Variants in ST6GAL2 observed in about 807,000 individuals in gnomAD.
The protein encoded by ST6GAL2 is beta-galactoside alpha-2,6-sialyltransferase 2.
In ST6GAL2, 24 loss-of-function variants were observed where a neutral mutation model predicts 37.5. The observed-to-expected ratio is 0.64, with a 90% confidence interval of 0.46 to 0.90. The LOEUF (loss-of-function observed/expected upper bound fraction) is 0.90. ST6GAL2 is among the 40% of genes least tolerant of loss of function. The pLI, the probability that ST6GAL2 is intolerant of heterozygous loss-of-function variation, is 0.00. For synonymous variants in ST6GAL2, 306 were observed against 295.1 expected (o/e 1.04, Z -0.38); for missense variants, 715 against 712.7 (o/e 1.00, Z -0.04).
rs532390214 is a variant in ST6GAL2, at chr2:106,844,619, C to CAATG, written c.-57-589_-57-586dup. Among the ~76,000 whole-genome samples the CAATG allele has an allele frequency of 4.1e-3, 623 of 152,294 alleles. 5 individuals are homozygous for CAATG. Among genetic ancestry groups the CAATG allele is most frequent in the Admixed American group, 7.3e-3 (112 of 15,304 alleles). On this transcript the variant is annotated intron_variant, in intron 1 of 5. Transcript: ENST00000409382. ...AGTCCACCGATGGCACTGAATAAAG[C>CAATG]AATGCTTCAGTGACTGTGTCTGTGG...
chr2:106,817,650 G>A (rs541834032), intron 5 of ST6GAL2, among the ~76,000 whole-genome samples: 1 of 152,296 alleles, frequency 6.6e-6, no homozygotes, highest in East Asian at 1.9e-4. Flanking sequence ...TTTCCCAGTG[G>A]TGGTGGCTAC....
intron 2 of ST6GAL2, among the ~76,000 whole-genome samples, chr2:106,839,047 A>C (rs971665130): frequency 1.0e-4 from 15 of 149,580 alleles, no homozygotes; most frequent in South Asian, 6.2e-4. Flanking sequence ...AAAAAGCAAA[A>C]AAACAAACAA....
chr2:106,855,838 A>G (rs1414459369), intron 1 of ST6GAL2, among the ~76,000 whole-genome samples: 2 of 152,192 alleles, frequency 1.3e-5, no homozygotes, highest in Non-Finnish European at 2.9e-5. Flanking sequence ...ATTCTTGCTG[A>G]TCTGGTAACA....
chr2:106,856,334 C>G (rs1375833622), intron 1 of ST6GAL2, among the ~76,000 whole-genome samples: 1 of 152,166 alleles, frequency 6.6e-6, no homozygotes, highest in Non-Finnish European at 1.5e-5. Flanking sequence ...CCTTTTAATC[C>G]TTCCCACAGA....
At chr2:106,828,732 A>C (rs1475586620) in intron 5 of ST6GAL2, among the ~76,000 whole-genome samples, 2 of 152,196 alleles carry the variant, frequency 1.3e-5, no homozygotes, top group East Asian at 3.8e-4. Flanking sequence ...AAACTGGGGA[A>C]GAGAACATTA....
At chr2:106,825,178 A>T (rs1676156017) in intron 5 of ST6GAL2, 1 of 152,250 alleles carries the variant, frequency 6.6e-6, no homozygotes, top group Non-Finnish European at 1.5e-5. Context: ...TGTATAACAA[A>T]GATAATGTAG....
At chr2:106,828,957 T>C (rs1054622631) in intron 5 of ST6GAL2, among the ~76,000 whole-genome samples, 2 of 152,094 alleles carry the variant, frequency 1.3e-5, no homozygotes, top group African/African-American at 4.8e-5. Flanking sequence ...AGTGTGATGC[T>C]CTTGTTATAT....
intron 1 of ST6GAL2, among the ~76,000 whole-genome samples, chr2:106,880,914 G>A (rs1678723318): frequency 6.6e-6 from 1 of 152,180 alleles, no homozygotes; most frequent in Non-Finnish European, 1.5e-5. Context: ...GTGTGAATGT[G>A]TCTGTGTGTG....
intron 1 of ST6GAL2, among the ~76,000 whole-genome samples, chr2:106,846,086 C>T (rs1367239179): frequency 2.6e-5 from 4 of 152,088 alleles, no homozygotes; most frequent in Non-Finnish European, 5.9e-5. Flanking sequence ...AAATGTGAAG[C>T]GCGAAGAAGT....
chr2:106,872,216 T>G (rs1678298841), intron 1 of ST6GAL2, among the ~76,000 whole-genome samples: 1 of 152,260 alleles, frequency 6.6e-6, no homozygotes, highest in South Asian at 2.1e-4. Context: ...GTATACTATC[T>G]GAAATAACAG....
At chr2:106,809,121 G>A (rs947977198) in intron 5 of ST6GAL2, among the ~76,000 whole-genome samples, 1 of 152,204 alleles carries the variant, frequency 6.6e-6, no homozygotes, top group East Asian at 1.9e-4. Flanking sequence ...AGCTGAGGAC[G>A]GCTTCATGTT....
At chr2:106,861,591 A>G (rs1286716937) in intron 1 of ST6GAL2, among the ~76,000 whole-genome samples, 2 of 152,026 alleles carry the variant, frequency 1.3e-5, no homozygotes, top group African/African-American at 4.8e-5. Flanking sequence ...TTTCATTACT[A>G]AATAAAATAG....
At chr2:106,869,866 G>A (rs1325671917) in intron 1 of ST6GAL2, among the ~76,000 whole-genome samples, 2 of 152,170 alleles carry the variant, frequency 1.3e-5, no homozygotes, top group Non-Finnish European at 2.9e-5. Context: ...CTGACACCAA[G>A]CAGGACTGAA....
At chr2:106,886,039 C>T (rs1463096018) in intron 1 of ST6GAL2, 54 bp downstream of exon 1, 2 of 152,314 alleles carry the variant, frequency 1.3e-5, no homozygotes, top group East Asian at 3.9e-4. Flanking sequence ...AGCGCGGAGG[C>T]TGCAGCGCCA....
At chr2:106,816,643 T>C (rs922884186) in intron 5 of ST6GAL2, among the ~76,000 whole-genome samples, 1 of 152,136 alleles carries the variant, frequency 6.6e-6, no homozygotes, top group African/African-American at 2.4e-5. Context: ...AAAACCTTAA[T>C]AAGGATATAG....
At chr2:106,854,506 T>C (rs1384557261) in intron 1 of ST6GAL2, among the ~76,000 whole-genome samples, 6 of 152,216 alleles carry the variant, frequency 3.9e-5, no homozygotes, top group Non-Finnish European at 8.8e-5. Context: ...TATTGTATGA[T>C]ATAAGCATAT....
chr2:106,804,922 T>C lies in ST6GAL2; in HGVS notation c.*1756A>G, dbSNP rs1331857712. Reference sequence around the variant, plus strand: ...ATGTCTATTTAGACATAAGTTAATATATAGGACAAAGTTACCTATCCCTTC... The same window carrying C: ...ATGTCTATTTAGACATAAGTTAATACATAGGACAAAGTTACCTATCCCTTC... On this transcript the variant is annotated 3_prime_UTR_variant, in exon 6 of 6. Coordinates refer to ENST00000409382, the MANE Select transcript of ST6GAL2 (RefSeq NM_001142351.2). The C allele has an allele frequency of 6.6e-6, 1 of 151,650 alleles. No individual in the cohort carries two copies. Among genetic ancestry groups the C allele is most frequent in the East Asian group, 1.9e-4 (1 of 5,178 alleles). The allele number at this position is 151,650 out of a possible 1,614,324, so 9.4% of individuals were successfully genotyped here.
rs1675422795 is a variant in ST6GAL2, at chr2:106,806,658, T to G, written c.*20A>C. On this transcript the variant is annotated 3_prime_UTR_variant, in exon 6 of 6. Transcript: ENST00000409382. The stretch of plus-strand genomic sequence containing the variant: ...ACAACAGTAGTACCTTATTGCACAT[T>G]GATTCCCAAGAAACCCTTTTTAAGA... 6.2e-7 allele frequency: 1 copy of G among 1,608,748 alleles called. No homozygotes were observed.
intron 2 of ST6GAL2, chr2:106,834,623 T>G (rs900689792): frequency 3.3e-5 from 5 of 153,156 alleles, no homozygotes; most frequent in African/African-American, 7.2e-5. Context: ...AGCCAGTCCT[T>G]AAGCAGAGAT....
Sources: gnomAD v4.1 joint callset for allele counts (sites outside exome capture counted in the v4.1 genomes callset) on GRCh38, gnomAD v4.1.1 for gene constraint, MANE v1.5 for transcripts, NCBI Gene and HGNC (gene_info 2026-07-23, HGNC 2026-07-21) for gene names.